PRCD: variants seen among roughly 807,000 people sequenced by gnomAD.
PRCD encodes the protein photoreceptor disk component PRCD.
A neutral mutation model predicts 10.1 loss-of-function variants in PRCD; 12 were observed. That is an observed-to-expected ratio of 1.18 (90% CI 0.76 to 1.92). The LOEUF is 1.92. Ranked by LOEUF, PRCD falls within the 40% of genes most tolerant of loss-of-function variation. The pLI, the probability that PRCD is intolerant of heterozygous loss-of-function variation, is 0.00. For missense variants in PRCD, 61 were observed against 72.2 expected (o/e 0.84, Z 0.56); for synonymous variants, 31 against 26.2 (o/e 1.18, Z -0.56).
intron 2 of PRCD, among the ~76,000 whole-genome samples, chr17:76,541,183 T>A (rs2074988657): frequency 1.3e-5 from 2 of 152,080 alleles, no homozygotes; most frequent in Admixed American, 1.3e-4. Flanking sequence ...GGGTGACCAG[T>A]GTCGTTCGAT....
chr17:76,531,399 G>C lies in PRCD; in HGVS notation n.45+3566G>C. 4 of 1,557,106 alleles carry C rather than the reference G, an allele frequency of 2.6e-6. No individual in the cohort carries two copies. Among genetic ancestry groups the C allele is most frequent in the Non-Finnish European group, 1.8e-6 (2 of 1,138,916 alleles). Reference sequence around the variant, plus strand: ...TCCAGAGAGCCGTCGCAGAGCCTGCGAGCTGCAGATGGCCATGACGCGTGG... The same window carrying C: ...TCCAGAGAGCCGTCGCAGAGCCTGCCAGCTGCAGATGGCCATGACGCGTGG... On this transcript the variant is annotated intron_variant and non_coding_transcript_variant, in intron 1 of 4. Transcript: ENST00000397633. This position sits in a 1 kb window ranked among gnomAD's most constrained non-coding sequence, Gnocchi z 7.4.
chr17:76,537,019 T>C (rs2074922618), upstream of PRCD, among the ~76,000 whole-genome samples: 1 of 152,188 alleles, frequency 6.6e-6, no homozygotes, highest in Non-Finnish European at 1.5e-5. Context: ...GAGCCTCGGT[T>C]TTCCCATCTC....
chr17:76,542,309 C>G (rs906074983), intron 2 of PRCD, among the ~76,000 whole-genome samples: 1 of 152,196 alleles, frequency 6.6e-6, no homozygotes, highest in African/African-American at 2.4e-5. Flanking sequence ...ACCCAGTTAA[C>G]TGGAAAAATT....
rs560994325 is a variant in PRCD, at chr17:76,540,263, G to C, written c.74+48G>C. On this transcript the variant is annotated intron_variant, in intron 1 of 4. Transcript: ENST00000592014. This position sits in a 1 kb window ranked among gnomAD's most constrained non-coding sequence, Gnocchi z 5.0. ...GCTGGCGGTTGGTCGGGGGGGGGGG[G>C]CATGGGGCTGGGCTGCCACCAAGCT... 2,489 of 610,986 alleles carry C rather than the reference G, an allele frequency of 4.1e-3. 139 individuals carry two copies. In the African/African-American group the frequency reaches 0.047, roughly 12 times the overall value. 37.8% of individuals were successfully genotyped at this position (610,986 alleles called of 1,614,324 possible).
At chr17:76,542,972 C>T (rs547452241) in intron 3 of PRCD, 57 bp from the exon 4 acceptor site, 18 of 499,034 alleles carry the variant, frequency 3.6e-5, no homozygotes, top group Middle Eastern at 3.1e-4. Flanking sequence ...CTCTGAAATG[C>T]GAGTCCCATC....
In PRCD at chr17:76,531,011, C is replaced by T. The variant is rs201982892; in HGVS notation, n.45+3178C>T. 1.9e-5 allele frequency: 30 copies of T among 1,612,876 alleles called. No homozygotes were observed. The East Asian group carries it at 6.5e-4, about 35-fold the overall frequency. On this transcript the variant is annotated intron_variant and non_coding_transcript_variant, in intron 1 of 4. Coordinates refer to the PRCD transcript ENST00000397633. This position sits in a 1 kb window ranked among gnomAD's most constrained non-coding sequence, Gnocchi z 7.4. ...CGTTGGGGACCTGCTGCACCCAGCC[C>T]ACTTCCTTGTAGGCAGCGGTCACGT...
Position 76,530,053 on chromosome 17 carries a change from C to T in PRCD, n.45+2220C>T, listed in dbSNP as rs1424366557. ...ACAGAAGGGCCGGCAGTCTTGGGGG[C>T]CCGTGCAGAGCCCGGCGGGAGACGC... On this transcript the variant is annotated intron_variant and non_coding_transcript_variant, in intron 1 of 4. Coordinates refer to the PRCD transcript ENST00000397633. The surrounding 1 kb of genome is among the most constrained non-coding windows in gnomAD (Gnocchi z 6.1). 2 of 985,306 alleles carry T rather than the reference C, an allele frequency of 2.0e-6. No individual in the cohort carries two copies. Among genetic ancestry groups the T allele is most frequent in the Non-Finnish European group, 2.4e-6 (2 of 829,928 alleles). The allele number at this position is 985,306 out of a possible 1,614,324, so 61.0% of individuals were successfully genotyped here. A position where few individuals can be genotyped will look rare whatever the true frequency, so the allele number is the denominator to read the frequency against.
At position 76,531,531 on chromosome 17, in the gene PRCD, C is replaced by A. The variant is rs1389357418; in HGVS notation, n.45+3698C>A. 1.2e-6 allele frequency: 2 copies of A among 1,614,146 alleles called. No homozygotes were observed. The highest frequency in any genetic ancestry group is 2.2e-5 in the South Asian group (2 of 91,088). ...CCCACAAGGGCGAGCACAGAGGACA[C>A]CTTGTCGGGGTCATGCAGGTTCTCC... On this transcript the variant is annotated intron_variant and non_coding_transcript_variant, in intron 1 of 4. Transcript: ENST00000397633. The surrounding 1 kb of genome is among the most constrained non-coding windows in gnomAD (Gnocchi z 7.4).
Position 76,530,122 on chromosome 17 carries a change from G to GGAATGTTTCTCTACCACGT in PRCD, n.45+2307_45+2308insTGAATGTTTCTCTACCACG. The GGAATGTTTCTCTACCACGT allele has an allele frequency of 1.0e-6, 1 of 981,468 alleles. No individual in the cohort carries two copies. The highest frequency in any genetic ancestry group is 1.2e-6 in the Non-Finnish European group (1 of 827,222). The allele number at this position is 981,468 out of a possible 1,614,324, so 60.8% of individuals were successfully genotyped here. A position where few individuals can be genotyped will look rare whatever the true frequency, so the allele number is the denominator to read the frequency against. On this transcript the variant is annotated intron_variant and non_coding_transcript_variant, in intron 1 of 4. Coordinates refer to the PRCD transcript ENST00000397633. The surrounding 1 kb of genome is among the most constrained non-coding windows in gnomAD (Gnocchi z 6.1). ...CTGCTGGGAATGTTTCTCTACCACG[G>GGAATGTTTCTCTACCACGT]GAATGTTTCTCTACCACGCGTGTCC... is the stretch of plus-strand genomic sequence containing the variant.
At position 76,531,401 on chromosome 17, in the gene PRCD, G is replaced by A. The variant is rs902003474; in HGVS notation, n.45+3568G>A. 18 of 1,559,910 alleles carry A rather than the reference G, an allele frequency of 1.2e-5. No homozygotes were observed. In the African/African-American group the frequency reaches 2.2e-4, roughly 19 times the overall value. Reference sequence around the variant, plus strand: ...CAGAGAGCCGTCGCAGAGCCTGCGAGCTGCAGATGGCCATGACGCGTGGGC... The same window carrying A: ...CAGAGAGCCGTCGCAGAGCCTGCGAACTGCAGATGGCCATGACGCGTGGGC... On this transcript the variant is annotated intron_variant and non_coding_transcript_variant, in intron 1 of 4. Transcript: ENST00000397633. The surrounding 1 kb of genome is among the most constrained non-coding windows in gnomAD (Gnocchi z 7.4).
In PRCD at chr17:76,533,267, C is replaced by T. The variant is rs2074869679; in HGVS notation, n.45+5434C>T. ...TTGCAGAAGGGCAAGAGGAGGGCCC[C>T]CGCTCACTGCTTCATGGATACACGG... On this transcript the variant is annotated intron_variant and non_coding_transcript_variant, in intron 1 of 4. Coordinates refer to the PRCD transcript ENST00000397633. This position sits in a 1 kb window ranked among gnomAD's most constrained non-coding sequence, Gnocchi z 4.5. 6.6e-6 allele frequency among the ~76,000 whole-genome samples: 1 copy of T among 152,192 alleles called. No individual in the cohort carries two copies. The highest frequency in any genetic ancestry group is 6.5e-5 in the Admixed American group (1 of 15,282).
In PRCD at chr17:76,545,219, A is replaced by C. The variant is rs1276769357; in HGVS notation, c.*1569A>C. ...TGCACATTTGCAGCTCCTGCTGCAG[A>C]AAGTTACCTCTCTCAGCCTAGAGCT... On this transcript the variant is annotated 3_prime_UTR_variant, in exon 5 of 5. Transcript: ENST00000592014. 5 of 456,654 alleles carry C rather than the reference A, an allele frequency of 1.1e-5. No homozygotes were observed. The East Asian group carries it at 3.5e-4, about 32-fold the overall frequency. 28.3% of individuals were successfully genotyped at this position (456,654 alleles called of 1,614,324 possible).
chr17:76,548,075 TACAC>T (rs927515120), downstream of PRCD, among the ~76,000 whole-genome samples: 2 of 150,376 alleles, frequency 1.3e-5, no homozygotes, highest in Non-Finnish European at 3.0e-5. Flanking sequence ...GACATACATG[TACAC>T]ACACAAATAA....
intron 1 of PRCD, chr17:76,529,055 AC>A (rs2074801292): frequency 1.3e-5 from 4 of 313,776 alleles, no homozygotes; most frequent in African/African-American, 5.6e-5. Context: ...CCCCCCCCCC[AC>A]CCCCCACCCA....
upstream of PRCD, chr17:76,538,254 G>T (rs1014095651): frequency 1.6e-5 from 3 of 187,780 alleles, no homozygotes; most frequent in African/African-American, 7.2e-5. Context: ...GCCTCTCCCC[G>T]CGCCCCCGAG....
In PRCD at chr17:76,531,896, T is replaced by C; in HGVS notation, n.45+4063T>C. On this transcript the variant is annotated intron_variant and non_coding_transcript_variant, in intron 1 of 4. Coordinates refer to the PRCD transcript ENST00000397633. The surrounding 1 kb of genome is among the most constrained non-coding windows in gnomAD (Gnocchi z 7.4). ...CTCACCCCTACCAAGTCTGGCCATG[T>C]CTATCTGCCAGGCTTGCTCAGGCTG... The C allele has an allele frequency of 1.9e-6, 1 of 522,346 alleles. No homozygotes were observed. The highest frequency in any genetic ancestry group is 3.4e-6 in the Non-Finnish European group (1 of 292,096). The allele number at this position is 522,346 out of a possible 1,614,324, so 32.4% of individuals were successfully genotyped here.
Position 76,543,880 on chromosome 17 carries a change from T to C in PRCD, c.*230T>C, listed in dbSNP as rs1270877891. The stretch of plus-strand genomic sequence containing the variant: ...ATGCCAGTTGGATCTGTGACATGTC[T>C]GCCTGCAGCTGGATGGGAGCAACGG... On this transcript the variant is annotated 3_prime_UTR_variant, in exon 5 of 5. Transcript: ENST00000592014. 2.1e-6 allele frequency: 1 copy of C among 471,126 alleles called. No homozygotes were observed. The highest frequency in any genetic ancestry group is 1.5e-5 in the South Asian group (1 of 64,564). 29.2% of individuals were successfully genotyped at this position (471,126 alleles called of 1,614,324 possible).
exon 2 of PRCD, chr17:76,553,513 A>T (rs1051211922): frequency 1.3e-5 from 2 of 152,232 alleles, no homozygotes; most frequent in African/African-American, 4.8e-5. Flanking sequence ...GCTGTCTGGG[A>T]TACTACCTAC....
At position 76,544,964 on chromosome 17, in the gene PRCD, G is replaced by T; in HGVS notation, c.*1314G>T. On this transcript the variant is annotated 3_prime_UTR_variant, in exon 5 of 5. Transcript: ENST00000592014. The stretch of plus-strand genomic sequence containing the variant: ...CAGGGATCCATCCAGAGGAAGGGCG[G>T]GAAAAAGAGAGGAAGGGGCTGCTGG... 4.4e-6 allele frequency: 2 copies of T among 456,566 alleles called. No individual in the cohort carries two copies. The highest frequency in any genetic ancestry group is 8.8e-6 in the Non-Finnish European group (2 of 226,910). The allele number at this position is 456,566 out of a possible 1,614,324, so 28.3% of individuals were successfully genotyped here.
Sources: gnomAD v4.1 joint callset for allele counts (sites outside exome capture counted in the v4.1 genomes callset) on GRCh38, gnomAD v4.1.1 for gene constraint, Gnocchi (gnomAD v3.1) non-coding constraint, MANE v1.5 for transcripts, NCBI Gene and HGNC (gene_info 2026-07-23, HGNC 2026-07-21) for gene names.